HPGDS: variants seen among roughly 807,000 people sequenced by gnomAD.
The protein encoded by HPGDS is hematopoietic prostaglandin D synthase.
In HPGDS, 26 loss-of-function variants were observed where a neutral mutation model predicts 23.1. The observed-to-expected ratio is 1.13, with a 90% CI of 0.83 to 1.56. The LOEUF (loss-of-function observed/expected upper bound fraction) is 1.56, where lower values mean the gene tolerates loss of function less well. Ranked by LOEUF, HPGDS falls within the 40% of genes most tolerant of loss-of-function variation. HPGDS has a pLI of 0.00. For synonymous variants in HPGDS, 95 were observed against 77.9 expected (o/e 1.22, Z -1.16); for missense variants, 268 against 236.4 (o/e 1.13, Z -0.88).
intron 3 of HPGDS, among the ~76,000 whole-genome samples, chr4:94,316,558 A>T (rs1248649016): frequency 6.8e-6 from 1 of 147,790 alleles, no homozygotes; most frequent in African/African-American, 2.5e-5. Context: ...GCATAAGAAA[A>T]AAAGTCCATA....
chr4:94,326,491 T>C (rs1756633996), intron 2 of HPGDS, among the ~76,000 whole-genome samples: 1 of 152,204 alleles, frequency 6.6e-6, no homozygotes, highest in South Asian at 2.1e-4. Flanking sequence ...TGACCTAGTC[T>C]ATTGAAGCTC....
chr4:94,334,741 T>A (rs2126045894), intron 1 of HPGDS, 103 bp from the exon 2 acceptor site: 1 of 982,494 alleles, frequency 1.0e-6, no homozygotes, highest in Non-Finnish European at 1.5e-6. Flanking sequence ...CTCTTGAGAT[T>A]ACTGGAGACA....
At chr4:94,305,305 A>C (rs1011989836) in intron 4 of HPGDS, among the ~76,000 whole-genome samples, 2 of 152,018 alleles carry the variant, frequency 1.3e-5, no homozygotes, top group Non-Finnish European at 2.9e-5. Context: ...CTTATGTCAA[A>C]AAGTTGTATT....
chr4:94,319,779 T>C (rs1219293734), intron 2 of HPGDS, among the ~76,000 whole-genome samples: 1 of 152,196 alleles, frequency 6.6e-6, no homozygotes, highest in African/African-American at 2.4e-5. Context: ...TTTTGTATTA[T>C]ACTTTAAGTT....
intron 1 of HPGDS, among the ~76,000 whole-genome samples, chr4:94,340,311 C>CTTTCTTTCTTTTTCTTTTCTTTTTTTT: frequency 8.4e-5 from 2 of 23,678 alleles, no homozygotes; most frequent in East Asian, 1.4e-3. Flanking sequence ...CTTTCTTTCT[C>CTTTCTTTCTTTTTCTTTTCTTTTTTTT]TTTTTTTTTT....
At chr4:94,330,898 T>C (rs952974107) in intron 2 of HPGDS, among the ~76,000 whole-genome samples, 2 of 152,226 alleles carry the variant, frequency 1.3e-5, no homozygotes, top group Admixed American at 6.5e-5. Context: ...AATGAACGAT[T>C]TGCCAATTGG....
At chr4:94,326,028 C>T (rs1199949791) in intron 2 of HPGDS, among the ~76,000 whole-genome samples, 4 of 151,256 alleles carry the variant, frequency 2.6e-5, no homozygotes, top group South Asian at 2.1e-4. Flanking sequence ...TGTCTCCTGG[C>T]CTCTAAAATT....
At chr4:94,333,937 T>G (rs186773861) in intron 2 of HPGDS, among the ~76,000 whole-genome samples, 4 of 152,232 alleles carry the variant, frequency 2.6e-5, no homozygotes, top group Admixed American at 2.6e-4. Context: ...GAATAAGAAA[T>G]AAGATACACT....
chr4:94,310,929 T>C (rs1756254650), intron 3 of HPGDS, among the ~76,000 whole-genome samples: 1 of 152,188 alleles, frequency 6.6e-6, no homozygotes, highest in South Asian at 2.1e-4. Flanking sequence ...ATGATTTGGC[T>C]CTCTGTTTGT....
At chr4:94,313,365 T>C (rs1480485797) in intron 3 of HPGDS, among the ~76,000 whole-genome samples, 3 of 152,182 alleles carry the variant, frequency 2.0e-5, no homozygotes, top group Admixed American at 2.0e-4. Flanking sequence ...TTTGCTTGTC[T>C]GGAAAGGATT....
chr4:94,327,429 T>C (rs1756654074), intron 2 of HPGDS, among the ~76,000 whole-genome samples: 1 of 152,018 alleles, frequency 6.6e-6, no homozygotes, highest in South Asian at 2.1e-4. Flanking sequence ...CTGGATAATG[T>C]GCTTGGGTGC....
rs117488167 is a variant in HPGDS at position 94,317,460 on chromosome 4, A to G, written c.226+413T>C. Among the ~76,000 whole-genome samples the G allele has an allele frequency of 6.7e-4, 102 of 152,216 alleles. No homozygotes were observed. The East Asian group carries it at 0.018, about 27-fold the overall frequency. The stretch of plus-strand genomic sequence containing the variant: ...CCCTATTTTTTTCAGCATGATTAGG[A>G]TGAAGGACATTACTGAGTATATAAT... On this transcript the variant is annotated intron_variant, in intron 3 of 5. Transcript: ENST00000295256.
chr4:94,334,932 A>G (rs1405788111), intron 1 of HPGDS, among the ~76,000 whole-genome samples: 1 of 152,200 alleles, frequency 6.6e-6, no homozygotes, highest in African/African-American at 2.4e-5. Flanking sequence ...CCCAACCTTC[A>G]GAGCATGGAG....
At chr4:94,316,915 T>G (rs1756408583) in intron 3 of HPGDS, among the ~76,000 whole-genome samples, 1 of 152,264 alleles carries the variant, frequency 6.6e-6, no homozygotes, top group Non-Finnish European at 1.5e-5. Flanking sequence ...TCTTTGAGCC[T>G]AAACCTAAAT....
At chr4:94,324,532 T>C (rs189411229) in intron 2 of HPGDS, among the ~76,000 whole-genome samples, 1 of 150,824 alleles carries the variant, frequency 6.6e-6, no homozygotes, top group South Asian at 2.1e-4. Flanking sequence ...TGATACCCTT[T>C]CTTCCACTTG....
chr4:94,339,576 G>A (rs192468301), intron 1 of HPGDS, among the ~76,000 whole-genome samples: 2 of 152,268 alleles, frequency 1.3e-5, no homozygotes, highest in South Asian at 2.1e-4. Flanking sequence ...GCTATCCACT[G>A]CAGAAGATTT....
chr4:94,319,084 T>A (rs1039655870), intron 2 of HPGDS, among the ~76,000 whole-genome samples: 21 of 152,190 alleles, frequency 1.4e-4, no homozygotes, highest in African/African-American at 4.6e-4. Context: ...CCAATGTTTC[T>A]TTGTTGGTTT....
chr4:94,314,062 A>T (rs1756339688), intron 3 of HPGDS, among the ~76,000 whole-genome samples: 1 of 152,162 alleles, frequency 6.6e-6, no homozygotes, highest in African/African-American at 2.4e-5. Context: ...AAGGTTTTTA[A>T]ACTCCTTTGC....
chr4:94,340,311 C>CTTTTCTTTTTTTTTTTTT (rs1721126934), intron 1 of HPGDS, among the ~76,000 whole-genome samples: 3 of 23,686 alleles, frequency 1.3e-4, no homozygotes, highest in Admixed American at 6.1e-4. Flanking sequence ...CTTTCTTTCT[C>CTTTTCTTTTTTTTTTTTT]TTTTTTTTTT....
Sources: allele counts gnomAD v4.1 joint callset (sites outside exome capture counted in the v4.1 genomes callset), GRCh38; gene constraint gnomAD v4.1.1; transcripts MANE v1.5; gene names NCBI Gene and HGNC (gene_info 2026-07-23, HGNC 2026-07-21).